The following BBS2 variants were observed in gnomAD, a reference collection of about 807,000 sequenced individuals.
The protein encoded by BBS2 is BBSome complex member BBS2.
In BBS2, 62 loss-of-function variants were observed where a neutral mutation model predicts 83.0. That is an observed-to-expected ratio of 0.75 (90% confidence interval 0.61 to 0.92). The LOEUF is 0.92. Among genes scored for constraint, BBS2 ranks in the 40% least tolerant of loss-of-function variants. The pLI is 0.00. For synonymous variants in BBS2, 303 were observed against 326.1 expected, an observed-to-expected ratio of 0.93 and a Z score of 0.76; for missense variants, 784 against 901.0, an observed-to-expected ratio of 0.87 and a Z score of 1.66.
intron 7 of BBS2, among the ~76,000 whole-genome samples, chr16:56,505,649 G>T (rs932519442): frequency 9.2e-5 from 14 of 152,296 alleles, no homozygotes; most frequent in Non-Finnish European, 1.8e-4. Flanking sequence ...CTTTTTTACT[G>T]TTGTACTACC....
chr16:56,489,487 A>G (rs1314533277), intron 15 of BBS2, among the ~76,000 whole-genome samples: 1 of 151,998 alleles, frequency 6.6e-6, no homozygotes, highest in African/African-American at 2.4e-5. Flanking sequence ...CATTGTAAGC[A>G]TGATGAACTT....
At chr16:56,514,754 C>T (rs1186659030) in intron 1 of BBS2, 74 bp from the exon 2 acceptor site, 2 of 1,183,574 alleles carry the variant, frequency 1.7e-6, no homozygotes, top group Non-Finnish European at 2.4e-6. Context: ...TAAAAAAGAA[C>T]CAGGTTATTA....
At chr16:56,512,925 GGAA>G (rs1438019773) in intron 2 of BBS2, among the ~76,000 whole-genome samples, 2 of 152,202 alleles carry the variant, frequency 1.3e-5, no homozygotes, top group African/African-American at 4.8e-5. Flanking sequence ...AGCTGAGGCA[GGAA>G]GACTGCTTTA....
chr16:56,504,529 C>A (rs1964371701), intron 7 of BBS2, among the ~76,000 whole-genome samples: 1 of 152,168 alleles, frequency 6.6e-6, no homozygotes, highest in African/African-American at 2.4e-5. Flanking sequence ...CACCTGTATT[C>A]ACAAGTTGGA....
chr16:56,489,804 G>GA (rs68044952), intron 15 of BBS2, among the ~76,000 whole-genome samples: 17 of 144,034 alleles, frequency 1.2e-4, no homozygotes, highest in South Asian at 2.2e-4. Flanking sequence ...CCATCTCAAA[G>GA]AAAAAAAAAA....
At chr16:56,485,440 C>G in intron 16 of BBS2, 150 bp downstream of exon 16, 1 of 1,106,888 alleles carries the variant, frequency 9.0e-7, no homozygotes, top group Admixed American at 1.8e-5. Context: ...GGCCGACTGA[C>G]TGAAACATAA....
At chr16:56,476,445 CT>C in intron 17 of BBS2, 13 of 326,234 alleles carry the variant, frequency 4.0e-5, no homozygotes, top group East Asian at 5.0e-5. Flanking sequence ...ACATTTAGTC[CT>C]TTTTCCATAT....
chr16:56,472,718 G>A (rs752453336), intron 17 of BBS2, among the ~76,000 whole-genome samples: 28 of 152,018 alleles, frequency 1.8e-4, no homozygotes, highest in Non-Finnish European at 3.5e-4. Flanking sequence ...TTGCTATGTA[G>A]ACATATACAT....
intron 15 of BBS2, among the ~76,000 whole-genome samples, chr16:56,490,654 T>TA (rs1405875187): frequency 6.6e-6 from 1 of 151,746 alleles, no homozygotes; most frequent in Non-Finnish European, 1.5e-5. Context: ...AATAAATAAA[T>TA]AAAGTATTAA....
chr16:56,505,746 T>C (rs1964403701), intron 7 of BBS2, among the ~76,000 whole-genome samples: 1 of 152,198 alleles, frequency 6.6e-6, no homozygotes, highest in Non-Finnish European at 1.5e-5. Flanking sequence ...AAACACCGCT[T>C]ATAAGACTTA....
Position 56,501,341 on chromosome 16 carries a change from G to A in BBS2, c.1225+12C>T, listed in dbSNP as rs1964265794. 6.2e-7 allele frequency: 1 copy of A among 1,613,702 alleles called. No homozygotes were observed. Among genetic ancestry groups the A allele is most frequent in the Admixed American group, 1.7e-5 (1 of 59,976 alleles). On this transcript the variant is annotated intron_variant, in intron 10 of 16. Coordinates refer to ENST00000245157, the MANE Select transcript of BBS2 (RefSeq NM_031885.5). ...AGGTGCCTCTAAATACCAGCTGTGA[G>A]TACTGTCTTACCATTAGAAGTGGAA...
chr16:56,484,990 C>A, intron 16 of BBS2, 123 bp from the exon 17 acceptor site: 3 of 756,752 alleles, frequency 4.0e-6, no homozygotes, highest in Non-Finnish European at 2.2e-6. Flanking sequence ...TATGATTTAT[C>A]TTACCATTCC....
chr16:56,486,228 G>A (rs1243795443), intron 15 of BBS2, among the ~76,000 whole-genome samples: 1 of 152,122 alleles, frequency 6.6e-6, no homozygotes, highest in Non-Finnish European at 1.5e-5. Context: ...CAAAGATGTG[G>A]GACAACTGGA....
chr16:56,489,748 C>A (rs973703283), intron 15 of BBS2, among the ~76,000 whole-genome samples: 1 of 151,492 alleles, frequency 6.6e-6, no homozygotes. Context: ...TGCAGTGAGC[C>A]AAGATAGCGC....
At chr16:56,500,583 C>G in intron 11 of BBS2, 1 of 406,846 alleles carries the variant, frequency 2.5e-6, no homozygotes, top group East Asian at 5.3e-5. Flanking sequence ...TGAGATTGCC[C>G]CACTGTACTC....
intron 1 of BBS2, among the ~76,000 whole-genome samples, chr16:56,515,777 T>C (rs1161283371): frequency 6.6e-6 from 1 of 152,234 alleles, no homozygotes; most frequent in Non-Finnish European, 1.5e-5. Flanking sequence ...TGTAACACTT[T>C]ATAACATGCC....
chr16:56,517,883 G>A (rs1037108392), intron 1 of BBS2, among the ~76,000 whole-genome samples: 25 of 150,710 alleles, frequency 1.7e-4, no homozygotes, highest in Non-Finnish European at 7.4e-5. Flanking sequence ...GCAATGGCAC[G>A]GTCTCGGCTC....
intron 17 of BBS2, chr16:56,477,430 C>G (rs1963533749): frequency 6.6e-6 from 1 of 152,176 alleles, no homozygotes; most frequent in Non-Finnish European, 1.5e-5. Context: ...GTAGTCACTT[C>G]CAAGTGCCCA....
rs936039033 is a variant in BBS2 at position 56,518,636 on chromosome 16, G to A, written c.117+1110C>T. ...CTGCCGTTGGCCTTGTGACAACGAC[G>A]CTGAGATGACTCATGTAATAAAGTT... On this transcript the variant is annotated intron_variant, in intron 1 of 16. Transcript: ENST00000245157. Among the ~76,000 whole-genome samples the A allele has an allele frequency of 8.5e-5, 13 of 152,340 alleles. No individual in the cohort carries two copies. In the Middle Eastern group the frequency reaches 0.01, roughly 120 times the overall value.
Sources: gnomAD v4.1 joint callset for allele counts (sites outside exome capture counted in the v4.1 genomes callset) on GRCh38, gnomAD v4.1.1 for gene constraint, MANE v1.5 for transcripts, NCBI Gene and HGNC (gene_info 2026-07-23, HGNC 2026-07-21) for gene names.